HRH1: variants seen among roughly 807,000 people sequenced by gnomAD.
HRH1 encodes histamine receptor H1.
Under a neutral mutation model 10.3 loss-of-function variants are expected in HRH1, and 6 were observed. That is an observed-to-expected ratio of 0.58 (90% CI 0.32 to 1.15). The LOEUF (loss-of-function observed/expected upper bound fraction) is 1.15, where lower values mean the gene tolerates loss of function less well. HRH1 is among the 50% of genes most tolerant of loss of function. HRH1 has a pLI of 0.05. For synonymous variants in HRH1, 242 were observed against 236.7 expected, an observed-to-expected ratio of 1.02 and a Z score of -0.21; for missense variants, 514 against 615.3, an observed-to-expected ratio of 0.84 and a Z score of 1.74.
At chr3:11,140,369 C>A (rs1936269881) in intron 1 of HRH1, among the ~76,000 whole-genome samples, 1 of 152,096 alleles carries the variant, frequency 6.6e-6, no homozygotes, top group Admixed American at 6.5e-5. Context: ...TGACTTTGGC[C>A]CCAATACCAA....
chr3:11,181,713 G>A (rs1369420787), intron 1 of HRH1, among the ~76,000 whole-genome samples: 1 of 142,114 alleles, frequency 7.0e-6, no homozygotes, highest in African/African-American at 2.7e-5. Context: ...CTCACTGCAA[G>A]CTCTGCCTCC....
intron 1 of HRH1, among the ~76,000 whole-genome samples, chr3:11,215,325 G>A (rs1938452376): frequency 6.6e-6 from 1 of 152,222 alleles, no homozygotes; most frequent in Non-Finnish European, 1.5e-5. Flanking sequence ...AACAAGTTTG[G>A]AAACAACTAA....
At chr3:11,151,327 G>A (rs376248242), upstream of HRH1, among the ~76,000 whole-genome samples, 18 of 152,350 alleles carry the variant, frequency 1.2e-4, no homozygotes, top group East Asian at 1.3e-3. Flanking sequence ...AGAAAACAGA[G>A]TCAAGACAGA....
At chr3:11,181,627 C>CTTTTTTTTT (rs35710248) in intron 1 of HRH1, among the ~76,000 whole-genome samples, 4 of 113,168 alleles carry the variant, frequency 3.5e-5, no homozygotes, top group African/African-American at 1.5e-4. Flanking sequence ...ATCCCTTGCT[C>CTTTTTTTTT]TTTTTTTTTT....
At chr3:11,180,888 C>T (rs961909317) in intron 1 of HRH1, among the ~76,000 whole-genome samples, 5 of 150,564 alleles carry the variant, frequency 3.3e-5, no homozygotes, top group Non-Finnish European at 5.9e-5. Flanking sequence ...TACTTTTTGG[C>T]TATTATAAAT....
upstream of HRH1, among the ~76,000 whole-genome samples, chr3:11,153,890 C>A (rs1281180767): frequency 6.6e-6 from 1 of 152,108 alleles, no homozygotes; most frequent in African/African-American, 2.4e-5. Flanking sequence ...AGGTTGTAGA[C>A]CCTGGGGTCT....
chr3:11,184,333 G>A (rs187594600), intron 1 of HRH1, among the ~76,000 whole-genome samples: 53 of 152,250 alleles, frequency 3.5e-4, no homozygotes, highest in African/African-American at 1.2e-3. Context: ...GACACGGAGA[G>A]GTTAAGTAAC....
chr3:11,193,065 A>T (rs1937578882), intron 1 of HRH1, among the ~76,000 whole-genome samples: 1 of 152,242 alleles, frequency 6.6e-6, no homozygotes, highest in African/African-American at 2.4e-5. Context: ...GGTTGGGCTG[A>T]TCAGTACAAA....
intron 1 of HRH1, among the ~76,000 whole-genome samples, chr3:11,140,092 C>T (rs1936262938): frequency 6.6e-6 from 1 of 152,152 alleles, no homozygotes; most frequent in African/African-American, 2.4e-5. Flanking sequence ...AAGGGCCGTC[C>T]GGATTTCAGT....
intron 1 of HRH1, chr3:11,226,240 T>C (rs974593644): frequency 2.0e-5 from 3 of 152,040 alleles, no homozygotes; most frequent in Admixed American, 1.3e-4. Flanking sequence ...GCTTATCTCG[T>C]GGGCATTTGC....
intron 1 of HRH1, among the ~76,000 whole-genome samples, chr3:11,188,113 G>C (rs1937479157): frequency 6.6e-6 from 1 of 152,126 alleles, no homozygotes; most frequent in South Asian, 2.1e-4. Context: ...ATTAAAATTA[G>C]GATACACGTG....
chr3:11,147,094 C>T (rs148626521), intron 1 of HRH1, among the ~76,000 whole-genome samples: 4 of 152,260 alleles, frequency 2.6e-5, no homozygotes, highest in East Asian at 3.9e-4. Flanking sequence ...GGAAAGTTAC[C>T]GTTCTCACTC....
In HRH1 at chr3:11,257,687, AG is replaced by A. The variant is rs550664985; in HGVS notation, c.-35-1313del. On this transcript the variant is annotated intron_variant, in intron 1 of 1. Coordinates refer to ENST00000431010, the MANE Select transcript of HRH1 (RefSeq NM_001098212.2). ...GTTTTCAGTAGAGCCTTAGTAGCAAAGGGTTTTCATTTTTATTTTTCAGATA... is the reference window on the plus strand; with the variant it reads ...GTTTTCAGTAGAGCCTTAGTAGCAAAGGTTTTCATTTTTATTTTTCAGATA... 2.4e-3 allele frequency among the ~76,000 whole-genome samples: 365 copies of A among 152,272 alleles called. 2 individuals are homozygous for A. The highest frequency in any genetic ancestry group is 1.6e-3 in the Non-Finnish European group (108 of 68,016).
At chr3:11,222,985 G>A (rs1174388288) in intron 1 of HRH1, among the ~76,000 whole-genome samples, 1 of 151,916 alleles carries the variant, frequency 6.6e-6, no homozygotes, top group African/African-American at 2.4e-5. Context: ...AAGAGATCAA[G>A]ACTATCCTGG....
chr3:11,228,785 G>A (rs762841853), intron 1 of HRH1, among the ~76,000 whole-genome samples: 30 of 151,968 alleles, frequency 2.0e-4, no homozygotes, highest in Non-Finnish European at 2.6e-4. Context: ...GTGGTGGTGC[G>A]TGCCTGTTGT....
At chr3:11,228,630 T>G (rs1374429053) in intron 1 of HRH1, among the ~76,000 whole-genome samples, 1 of 151,282 alleles carries the variant, frequency 6.6e-6, no homozygotes, top group East Asian at 2.0e-4. Context: ...CTGTAGAATA[T>G]AGTGGGCCGA....
intron 1 of HRH1, among the ~76,000 whole-genome samples, chr3:11,181,069 G>A (rs1937342996): frequency 6.6e-6 from 1 of 151,776 alleles, no homozygotes; most frequent in Non-Finnish European, 1.5e-5. Context: ...GATAGCTTGA[G>A]CCCAGGAGTT....
chr3:11,243,344 T>C (rs1939399431), intron 1 of HRH1, among the ~76,000 whole-genome samples: 1 of 152,216 alleles, frequency 6.6e-6, no homozygotes, highest in African/African-American at 2.4e-5. Flanking sequence ...GCGAATGGGA[T>C]GTCCCCATGG....
At chr3:11,237,664 C>CTTTT (rs376450222) in intron 1 of HRH1, among the ~76,000 whole-genome samples, 13 of 83,088 alleles carry the variant, frequency 1.6e-4, no homozygotes, top group African/African-American at 3.4e-4. Context: ...TTTTCTTTTC[C>CTTTT]TTTTTTTTTT....
Sources: gnomAD v4.1 joint callset for allele counts (sites outside exome capture counted in the v4.1 genomes callset) on GRCh38, gnomAD v4.1.1 for gene constraint, MANE v1.5 for transcripts, NCBI Gene and HGNC (gene_info 2026-07-23, HGNC 2026-07-21) for gene names.